Variants in TSNARE1 observed in about 807,000 individuals in gnomAD.
TSNARE1 encodes t-SNARE domain-containing protein 1.
TSNARE1 carries 49 observed loss-of-function variants against 62.0 expected under a neutral mutation model. The observed-to-expected ratio is 0.79, with a 90% CI of 0.63 to 1.00. The LOEUF is 1.00. Ranked by LOEUF, TSNARE1 falls within the 50% of genes least tolerant of loss-of-function variation. The pLI is 0.00. For missense variants in TSNARE1, 755 were observed against 700.1 expected (o/e 1.08, Z -0.88); for synonymous variants, 328 against 294.4 (o/e 1.11, Z -1.17).
At position 142,222,819 on chromosome 8, in the gene TSNARE1, C is replaced by CTCATTCAG. The variant is rs1563756103; in HGVS notation, c.*11+6653_*11+6654insCTGAATGA. ...ATCCACTCACTCACTCATTCACTCA[C>CTCATTCAG]TCACTCACTCATTCACTCACTCATT... On this transcript the variant is annotated intron_variant, in intron 13 of 13. Coordinates refer to ENST00000524325, the MANE Select transcript of TSNARE1 (RefSeq NM_145003.5). Among the ~76,000 whole-genome samples, 593 of 122,768 alleles carry CTCATTCAG rather than the reference C, an allele frequency of 4.8e-3. 64 individuals carry two copies. The highest frequency in any genetic ancestry group is 0.021 in the African/African-American group (512 of 23,934). 80.5% of individuals were successfully genotyped at this position (122,768 alleles called of 152,430 possible). A position where few individuals can be genotyped will look rare whatever the true frequency, so the allele number is the denominator to read the frequency against.
At chr8:142,382,063 C>T (rs991620062) in intron 1 of TSNARE1, among the ~76,000 whole-genome samples, 17 of 152,164 alleles carry the variant, frequency 1.1e-4, no homozygotes, top group African/African-American at 3.6e-4. Context: ...CAGGCCCACG[C>T]GCCCCTGCCA....
chr8:142,315,202 T>G, intron 7 of TSNARE1, 110 bp from the exon 8 acceptor site: 3 of 1,099,192 alleles, frequency 2.7e-6, no homozygotes, highest in Non-Finnish European at 4.0e-6. Context: ...ACACTCAGAA[T>G]GGGGCTCGCC....
chr8:142,389,279 T>C (rs932324131), intron 1 of TSNARE1, among the ~76,000 whole-genome samples: 1 of 152,178 alleles, frequency 6.6e-6, no homozygotes, highest in Non-Finnish European at 1.5e-5. Context: ...CATTTAGTCC[T>C]AAAACCATAA....
intron 2 of TSNARE1, among the ~76,000 whole-genome samples, chr8:142,347,603 C>G (rs4323596): frequency 3.8e-4 from 58 of 152,322 alleles, no homozygotes; most frequent in African/African-American, 1.2e-3. Flanking sequence ...CCCACAGGCC[C>G]CCAGAGAGAC....
intron 1 of TSNARE1, among the ~76,000 whole-genome samples, chr8:142,393,944 A>C (rs1587143814): frequency 2.0e-5 from 3 of 152,324 alleles, no homozygotes; most frequent in Middle Eastern, 3.4e-3. Context: ...ATGAACTGTG[A>C]ATCCCCAATG....
chr8:142,380,760 G>C (rs1836681046), intron 1 of TSNARE1, among the ~76,000 whole-genome samples: 1 of 152,206 alleles, frequency 6.6e-6, no homozygotes, highest in African/African-American at 2.4e-5. Flanking sequence ...AGGAAAGTCT[G>C]AGTGGCCACC....
At chr8:142,385,095 G>C (rs985924777) in intron 1 of TSNARE1, among the ~76,000 whole-genome samples, 9 of 151,882 alleles carry the variant, frequency 5.9e-5, no homozygotes, top group African/African-American at 1.9e-4. Context: ...GAGAGAGAGA[G>C]AAAGGAAGGA....
chr8:142,358,874 G>A (rs1471014605), intron 1 of TSNARE1, among the ~76,000 whole-genome samples: 1 of 151,884 alleles, frequency 6.6e-6, no homozygotes, highest in Non-Finnish European at 1.5e-5. Context: ...CTTCCCTCCA[G>A]TGTCCGACTC....
chr8:142,239,999 A>T (rs1272703352), intron 12 of TSNARE1, among the ~76,000 whole-genome samples: 1 of 152,254 alleles, frequency 6.6e-6, no homozygotes, highest in Non-Finnish European at 1.5e-5. Flanking sequence ...GTAAGAAGGG[A>T]GAAACAAGTC....
At chr8:142,369,499 A>G (rs1835779201) in intron 1 of TSNARE1, among the ~76,000 whole-genome samples, 1 of 152,260 alleles carries the variant, frequency 6.6e-6, no homozygotes, top group Admixed American at 6.5e-5. Flanking sequence ...TCAAGTAACA[A>G]GACAATCAGC....
intron 1 of TSNARE1, among the ~76,000 whole-genome samples, chr8:142,370,514 G>C (rs1341295358): frequency 6.6e-6 from 1 of 152,166 alleles, no homozygotes; most frequent in East Asian, 1.9e-4. Flanking sequence ...TGAGATCACA[G>C]TGAGCCAAGC....
chr8:142,368,410 A>G (rs1587043080), intron 1 of TSNARE1, among the ~76,000 whole-genome samples: 1 of 152,188 alleles, frequency 6.6e-6, no homozygotes, highest in African/African-American at 2.4e-5. Flanking sequence ...CCTTCTGCCC[A>G]TGACTAGGAA....
At chr8:142,405,804 C>G (rs1330296480), upstream of TSNARE1, 1 of 152,440 alleles carries the variant, frequency 6.6e-6, no homozygotes, top group Non-Finnish European at 1.5e-5. Context: ...CTGTGCACCT[C>G]CTGCTCTGCT....
At chr8:142,248,266 G>C (rs1045799732) in intron 12 of TSNARE1, among the ~76,000 whole-genome samples, 1 of 152,226 alleles carries the variant, frequency 6.6e-6, no homozygotes, top group South Asian at 2.1e-4. Flanking sequence ...AAAGGACCCA[G>C]TCTCAGGTGT....
At chr8:142,331,092 G>A (rs1363835206) in intron 5 of TSNARE1, 122 bp from the exon 6 acceptor site, 3 of 837,868 alleles carry the variant, frequency 3.6e-6, no homozygotes, top group Non-Finnish European at 5.8e-6. Context: ...CAGTGCTTGA[G>A]CCAGGGCAGA....
At chr8:142,244,042 C>T (rs570343372) in intron 12 of TSNARE1, among the ~76,000 whole-genome samples, 54 of 152,212 alleles carry the variant, frequency 3.5e-4, no homozygotes, top group African/African-American at 1.0e-3. Context: ...AAAAATTAGC[C>T]GGGCGTGGTG....
At chr8:142,278,312 C>T (rs1820836600) in intron 11 of TSNARE1, 1 of 985,346 alleles carries the variant, frequency 1.0e-6, no homozygotes, top group Admixed American at 6.1e-5. Flanking sequence ...GAGGATGCCC[C>T]AGCGCTCCAA....
chr8:142,303,083 C>T (rs1345146803), intron 9 of TSNARE1, among the ~76,000 whole-genome samples: 1 of 152,220 alleles, frequency 6.6e-6, no homozygotes, highest in African/African-American at 2.4e-5. Flanking sequence ...CTCACAGGAC[C>T]TGCTCTGCCG....
intron 1 of TSNARE1, among the ~76,000 whole-genome samples, chr8:142,379,408 G>T (rs974634105): frequency 6.6e-6 from 1 of 152,198 alleles, no homozygotes; most frequent in Non-Finnish European, 1.5e-5. Context: ...TGAGCCGCAC[G>T]CTGGCCGAGG....
Sources: allele counts gnomAD v4.1 joint callset (sites outside exome capture counted in the v4.1 genomes callset), GRCh38; gene constraint gnomAD v4.1.1; transcripts MANE v1.5; gene names NCBI Gene and HGNC (gene_info 2026-07-23, HGNC 2026-07-21).